ADAMTS3: variants seen among roughly 807,000 people sequenced by gnomAD.
The protein encoded by ADAMTS3 is A disintegrin and metalloproteinase with thrombospondin motifs 3.
In ADAMTS3, 73 loss-of-function variants were observed where a neutral mutation model predicts 129.0. That is an observed-to-expected ratio of 0.57 (90% CI 0.47 to 0.69). The LOEUF is 0.69. Ranked by LOEUF, ADAMTS3 falls within the 30% of genes least tolerant of loss-of-function variation. The pLI is 0.00. For missense variants in ADAMTS3, 1,457 were observed against 1,514.5 expected (o/e 0.96, Z 0.63); for synonymous variants, 477 against 510.8 (o/e 0.93, Z 0.89).
intron 10 of ADAMTS3, among the ~76,000 whole-genome samples, chr4:72,317,469 C>CTTT (rs71215421): frequency 7.3e-6 from 1 of 137,634 alleles, no homozygotes; most frequent in Non-Finnish European, 1.6e-5. Flanking sequence ...AAAAGGCCTT[C>CTTT]TTTTTTTTTT....
At chr4:72,411,184 T>C (rs1722175847) in intron 4 of ADAMTS3, among the ~76,000 whole-genome samples, 1 of 152,138 alleles carries the variant, frequency 6.6e-6, no homozygotes, top group South Asian at 2.1e-4. Flanking sequence ...ATCCGCTATA[T>C]ATGGGATTGA....
chr4:72,524,384 CA>C (rs1720753271), intron 3 of ADAMTS3, among the ~76,000 whole-genome samples: 1 of 152,032 alleles, frequency 6.6e-6, no homozygotes, highest in Non-Finnish European at 1.5e-5. Flanking sequence ...CTATAATTTT[CA>C]AAGTTGAGGC....
chr4:72,470,810 CAAT>C (rs1719053972), intron 3 of ADAMTS3, among the ~76,000 whole-genome samples: 1 of 151,970 alleles, frequency 6.6e-6, no homozygotes, highest in Non-Finnish European at 1.5e-5. Context: ...ATGGTAATGA[CAAT>C]AATTTTTAAA....
At chr4:72,405,243 G>C (rs1344839383) in intron 4 of ADAMTS3, among the ~76,000 whole-genome samples, 2 of 152,046 alleles carry the variant, frequency 1.3e-5, no homozygotes, top group Non-Finnish European at 2.9e-5. Flanking sequence ...TTGCAACCTG[G>C]TGTTCACTTC....
intron 5 of ADAMTS3, among the ~76,000 whole-genome samples, chr4:72,331,749 C>G (rs1299088483): frequency 1.3e-5 from 2 of 152,054 alleles, no homozygotes. Flanking sequence ...TCCCCTTTTT[C>G]TAGCAGGAAA....
intron 5 of ADAMTS3, among the ~76,000 whole-genome samples, chr4:72,331,409 C>T (rs1056005667): frequency 6.6e-6 from 1 of 151,298 alleles, no homozygotes; most frequent in African/African-American, 2.5e-5. Flanking sequence ...ACTATGTGTT[C>T]ATGTTCATAG....
chr4:72,365,514 T>C (rs1357691937), intron 4 of ADAMTS3, among the ~76,000 whole-genome samples: 5 of 152,308 alleles, frequency 3.3e-5, no homozygotes, highest in Non-Finnish European at 7.3e-5. Flanking sequence ...ATGCATTATA[T>C]ATCAGGGCCA....
At chr4:72,345,057 T>C (rs1160927754) in intron 4 of ADAMTS3, among the ~76,000 whole-genome samples, 3 of 152,148 alleles carry the variant, frequency 2.0e-5, no homozygotes, top group African/African-American at 7.2e-5. Flanking sequence ...AATTTTCATG[T>C]GAATAAGTGA....
rs1718401731 is a variant in ADAMTS3, at chr4:72,283,241, T to C, written c.3513A>G (p.Ala1171=). ...ASQMAAASFF[A]ASDSIGASSQ... ...AAGAAGCACCTATTGAATCACTGGC[T>C]GCAAAGAAGGAAGCAGCAGCCATTT... The change falls in exon 22 of 22, where the codon GCA becomes GCG. Residue 1171 remains alanine (A), a synonymous_variant. Transcript: ENST00000286657. 2 of 1,614,058 alleles carry C rather than the reference T, an allele frequency of 1.2e-6. No homozygotes were observed. Among genetic ancestry groups the C allele is most frequent in the Non-Finnish European group, 8.5e-7 (1 of 1,179,962 alleles).
rs752135685 is a variant in ADAMTS3 at position 72,521,003 on chromosome 4, C to CT, written c.504+27474dup. On this transcript the variant is annotated intron_variant, in intron 3 of 21. Transcript: ENST00000286657. ...ATCTGGGCTCCTCCCCACTTTTTTT[C>CT]TTTTTTTTTTTTGAGACAGAGTCTC... Among the ~76,000 whole-genome samples, 607 of 144,398 alleles carry CT rather than the reference C, an allele frequency of 4.2e-3. 4 individuals are homozygous for CT. The highest frequency in any genetic ancestry group is 0.012 in the African/African-American group (481 of 39,682). 94.7% of individuals were successfully genotyped at this position (144,398 alleles called of 152,430 possible).
intron 4 of ADAMTS3, among the ~76,000 whole-genome samples, chr4:72,393,398 C>T (rs1014382065): frequency 6.6e-6 from 1 of 152,102 alleles, no homozygotes; most frequent in African/African-American, 2.4e-5. Flanking sequence ...AACACATTTC[C>T]TCTTTGTTGT....
chr4:72,495,079 G>T (rs1416826618), intron 3 of ADAMTS3, among the ~76,000 whole-genome samples: 1 of 152,200 alleles, frequency 6.6e-6, no homozygotes, highest in Non-Finnish European at 1.5e-5. Flanking sequence ...GTCCGGGTCT[G>T]GGACACAGGT....
At chr4:72,355,391 T>C (rs1372274907) in intron 4 of ADAMTS3, among the ~76,000 whole-genome samples, 1 of 151,968 alleles carries the variant, frequency 6.6e-6, no homozygotes, top group Non-Finnish European at 1.5e-5. Flanking sequence ...ATTCATGTAT[T>C]ACATTTTTCC....
intron 3 of ADAMTS3, among the ~76,000 whole-genome samples, chr4:72,545,270 A>C (rs1469371365): frequency 2.6e-5 from 4 of 152,166 alleles, no homozygotes; most frequent in Non-Finnish European, 5.9e-5. Flanking sequence ...ACTATGCCAA[A>C]TCTTCCCTCT....
chr4:72,421,310 T>C (rs1722439186), intron 3 of ADAMTS3, among the ~76,000 whole-genome samples: 1 of 152,232 alleles, frequency 6.6e-6, no homozygotes. Flanking sequence ...GGCTAGGTGA[T>C]TGCCTGGCCC....
intron 4 of ADAMTS3, among the ~76,000 whole-genome samples, chr4:72,348,277 G>A (rs1009254539): frequency 2.6e-5 from 4 of 152,022 alleles, no homozygotes; most frequent in African/African-American, 4.8e-5. Flanking sequence ...GGGACAAGGC[G>A]AGGGAGGCAA....
intron 4 of ADAMTS3, among the ~76,000 whole-genome samples, chr4:72,368,411 G>A (rs1720924327): frequency 6.6e-6 from 1 of 152,120 alleles, no homozygotes; most frequent in African/African-American, 2.4e-5. Context: ...AAGGAGTACA[G>A]ATCGAACATT....
chr4:72,333,554 CAATTTTTCTTT>C (rs1192389534), intron 5 of ADAMTS3, among the ~76,000 whole-genome samples: 1 of 152,084 alleles, frequency 6.6e-6, no homozygotes, highest in Non-Finnish European at 1.5e-5. Flanking sequence ...TAGGCCTCTT[CAATTTTTCTTT>C]ACAAGGCCGA....
At position 72,520,841 on chromosome 4, in the gene ADAMTS3, G is replaced by A. The variant is rs116358789; in HGVS notation, c.504+27637C>T. 6.2e-3 allele frequency among the ~76,000 whole-genome samples: 942 copies of A among 152,076 alleles called. 17 individuals are homozygous for A. The highest frequency in any genetic ancestry group is 0.022 in the African/African-American group (893 of 41,494). On this transcript the variant is annotated intron_variant, in intron 3 of 21. Coordinates refer to ENST00000286657, the MANE Select transcript of ADAMTS3 (RefSeq NM_014243.3). The stretch of plus-strand genomic sequence containing the variant: ...TGCTTCGGCTCGCGCATGATGTGCT[G>A]CACCCTCTGTCCTGTGCCCACTGTT...
Sources: allele counts gnomAD v4.1 joint callset (sites outside exome capture counted in the v4.1 genomes callset), GRCh38; gene constraint gnomAD v4.1.1; transcripts MANE v1.5; gene names NCBI Gene and HGNC (gene_info 2026-07-23, HGNC 2026-07-21).